Variants in PREX2 observed in about 807,000 individuals in gnomAD.
The protein encoded by PREX2 is phosphatidylinositol-3,4,5-trisphosphate dependent Rac exchange factor 2, also known as phosphatidylinositol 3,4,5-trisphosphate-dependent Rac exchanger 2 protein.
PREX2 carries 107 observed loss-of-function variants against 203.2 expected under a neutral mutation model. That is an observed-to-expected ratio of 0.53 (90% CI 0.45 to 0.62). PREX2 has a LOEUF of 0.62. Among genes scored for constraint, PREX2 ranks in the 20% least tolerant of loss-of-function variants. The probability of loss-of-function intolerance (pLI) is 0.00; values close to 1 mark genes in which losing one functional copy is unlikely to be tolerated. For synonymous variants in PREX2, 672 were observed against 663.6 expected, an observed-to-expected ratio of 1.01 and a Z score of -0.19; for missense variants, 1,777 against 1,955.9, an observed-to-expected ratio of 0.91 and a Z score of 1.72.
At chr8:68,223,620 C>A (rs1465817274) in intron 38 of PREX2, among the ~76,000 whole-genome samples, 1 of 152,086 alleles carries the variant, frequency 6.6e-6, no homozygotes, top group East Asian at 1.9e-4. Context: ...GAACAACTCT[C>A]CTTAACCTTT....
chr8:68,022,083 G>A lies in PREX2; in HGVS notation c.384G>A (p.Lys128=), dbSNP rs768088114. 6.3e-7 allele frequency: 1 copy of A among 1,580,872 alleles called. No individual in the cohort carries two copies. The highest frequency in any genetic ancestry group is 2.2e-5 in the East Asian group (1 of 44,704). ...IYDEYCSNHE[K]AQKLLLELNK... ...ATGAATATTGTAGTAACCATGAGAAGGCACAAAAATTACTTCTTGAACTCA... is the reference window on the plus strand; with the variant it reads ...ATGAATATTGTAGTAACCATGAGAAAGCACAAAAATTACTTCTTGAACTCA... Residue 128 remains lysine, a synonymous_variant, in exon 4 of 40, where the codon AAG becomes AAA. Transcript: ENST00000288368.
intron 32 of PREX2, among the ~76,000 whole-genome samples, chr8:68,134,998 G>C (rs994659424): frequency 6.6e-6 from 1 of 152,116 alleles, no homozygotes; most frequent in African/African-American, 2.4e-5. Flanking sequence ...GGTGATCACT[G>C]AATAGAACTG....
chr8:68,134,682 G>A (rs1811076625), intron 32 of PREX2, among the ~76,000 whole-genome samples: 1 of 152,220 alleles, frequency 6.6e-6, no homozygotes, highest in Admixed American at 6.5e-5. Flanking sequence ...TGAGAGCCAA[G>A]CTTGGAGAGC....
At chr8:68,177,830 C>A (rs1478757554) in intron 35 of PREX2, among the ~76,000 whole-genome samples, 1 of 152,024 alleles carries the variant, frequency 6.6e-6, no homozygotes, top group African/African-American at 2.4e-5. Flanking sequence ...GTTCCCCCCA[C>A]CCCCTTGCTC....
intron 14 of PREX2, among the ~76,000 whole-genome samples, chr8:68,075,033 C>A (rs1809304000): frequency 6.6e-6 from 1 of 152,096 alleles, no homozygotes; most frequent in Non-Finnish European, 1.5e-5. Flanking sequence ...AGTAATATAC[C>A]TTTAAAACAT....
chr8:68,119,636 C>G lies in PREX2; in HGVS notation c.3504+122C>G. ...AGGCCTCAATCTGTCCTTCCACCTC[C>G]TTTACCTCAATTTCTGACATTTAAA... On this transcript the variant is annotated intron_variant, in intron 28 of 39. Transcript: ENST00000288368. The G allele has an allele frequency of 4.4e-6, 3 of 682,578 alleles. 1 individual carries two copies. In the South Asian group the frequency reaches 5.9e-5, roughly 13 times the overall value. The allele number at this position is 682,578 out of a possible 1,614,324, so 42.3% of individuals were successfully genotyped here. A position where few individuals can be genotyped will look rare whatever the true frequency, so the allele number is the denominator to read the frequency against.
At position 67,976,723 on chromosome 8, in the gene PREX2, GAGAGAC is replaced by G. The variant is rs1172741722; in HGVS notation, c.141+24194_141+24199del. 1.4e-4 allele frequency among the ~76,000 whole-genome samples: 15 copies of G among 108,728 alleles called. 1 individual carries two copies. In the Admixed American group the frequency reaches 1.5e-3, roughly 11 times the overall value. The allele number at this position is 108,728 out of a possible 152,430, so 71.3% of individuals were successfully genotyped here. A position where few individuals can be genotyped will look rare whatever the true frequency, so the allele number is the denominator to read the frequency against. ...GAGAGAGACGGGAGAGAGACAGAGA[GAGAGAC>G]AGAGAGAGAGAGAGAGATGCGAGAG... is the stretch of plus-strand genomic sequence containing the variant. On this transcript the variant is annotated intron_variant, in intron 1 of 39. Transcript: ENST00000288368.
chr8:67,967,099 T>G (rs866176599), intron 1 of PREX2, among the ~76,000 whole-genome samples: 1 of 152,204 alleles, frequency 6.6e-6, no homozygotes, highest in African/African-American at 2.4e-5. Context: ...TTTTTGTAAA[T>G]CTCTAAAAAT....
chr8:68,008,151 G>A (rs557450623), intron 1 of PREX2, among the ~76,000 whole-genome samples: 2 of 152,232 alleles, frequency 1.3e-5, no homozygotes, highest in East Asian at 1.9e-4. Flanking sequence ...CTAGAAACTG[G>A]ACTGCCTGTT....
At chr8:68,103,686 C>T (rs777438785) in intron 23 of PREX2, 20 of 519,326 alleles carry the variant, frequency 3.9e-5, no homozygotes, top group South Asian at 2.7e-4. Context: ...TATTGACTAT[C>T]CTGATAGCAT....
intron 34 of PREX2, among the ~76,000 whole-genome samples, chr8:68,153,608 T>G (rs1401855163): frequency 4.6e-5 from 7 of 152,200 alleles, no homozygotes; most frequent in Admixed American, 3.3e-4. Flanking sequence ...TGTTTGAAAT[T>G]AACATGTTAT....
chr8:67,977,303 C>A lies in PREX2; in HGVS notation c.141+24768C>A, dbSNP rs941578772. On this transcript the variant is annotated intron_variant, in intron 1 of 39. Transcript: ENST00000288368. ...TCTTGGACTTTTCAGCTTGCATAAC[C>A]GTGAGAAATAAATTTCTGTTGTTTA... Among the ~76,000 whole-genome samples, 3 of 152,152 alleles carry A rather than the reference C, an allele frequency of 2.0e-5. No individual in the cohort carries two copies. In the South Asian group the frequency reaches 6.2e-4, roughly 32 times the overall value.
chr8:68,058,746 A>C (rs1434186964), intron 10 of PREX2, among the ~76,000 whole-genome samples: 1 of 152,086 alleles, frequency 6.6e-6, no homozygotes, highest in African/African-American at 2.4e-5. Context: ...GACATTCTTA[A>C]TATTATCTCT....
intron 37 of PREX2, among the ~76,000 whole-genome samples, chr8:68,202,908 A>C (rs1275327271): frequency 6.6e-6 from 1 of 151,376 alleles, no homozygotes; most frequent in Non-Finnish European, 1.5e-5. Context: ...ATGCTGTGAA[A>C]CTCCTGGTCC....
At chr8:67,966,813 A>G (rs1805790734) in intron 1 of PREX2, among the ~76,000 whole-genome samples, 1 of 152,154 alleles carries the variant, frequency 6.6e-6, no homozygotes, top group African/African-American at 2.4e-5. Flanking sequence ...TTTATTCTTC[A>G]TGGTCCAAGG....
intron 17 of PREX2, chr8:68,082,512 G>C (rs1489131045): frequency 6.6e-6 from 1 of 152,196 alleles, no homozygotes; most frequent in African/African-American, 2.4e-5. Context: ...AATTGTCAAT[G>C]AGAAGGAAAT....
At chr8:68,107,701 G>A (rs1296742569) in intron 23 of PREX2, among the ~76,000 whole-genome samples, 1 of 152,118 alleles carries the variant, frequency 6.6e-6, no homozygotes, top group South Asian at 2.1e-4. Flanking sequence ...CCTTGACCTG[G>A]CAGCTACCCT....
At chr8:68,188,689 C>T (rs1332127713) in intron 35 of PREX2, among the ~76,000 whole-genome samples, 1 of 152,126 alleles carries the variant, frequency 6.6e-6, no homozygotes, top group East Asian at 1.9e-4. Context: ...TGCAGGGGAA[C>T]TCTCATATAC....
chr8:68,080,434 T>C lies in PREX2; in HGVS notation c.1643-9T>C. The C allele has an allele frequency of 6.2e-7, 1 of 1,608,704 alleles. No homozygotes were observed. Among genetic ancestry groups the C allele is most frequent in the African/African-American group, 1.3e-5 (1 of 74,710 alleles). ...AGCTGAAATAATTTGCATCTGTCTT[T>C]TTCTGTAGTCCTTGAAAAAAGCGAA... On this transcript the variant is annotated splice_polypyrimidine_tract_variant and intron_variant, in intron 15 of 39. Coordinates refer to ENST00000288368, the MANE Select transcript of PREX2 (RefSeq NM_024870.4).
Sources: allele counts gnomAD v4.1 joint callset (sites outside exome capture counted in the v4.1 genomes callset), GRCh38; gene constraint gnomAD v4.1.1; transcripts MANE v1.5; gene names NCBI Gene and HGNC (gene_info 2026-07-23, HGNC 2026-07-21).